Variants in CAMK2D observed in about 807,000 individuals in gnomAD.
CAMK2D encodes the protein calcium/calmodulin dependent protein kinase II delta.
CAMK2D carries 37 observed loss-of-function variants against 84.0 expected under a neutral mutation model. That is an observed-to-expected ratio of 0.44 (90% CI 0.34 to 0.58). The LOEUF is 0.58. Among genes scored for constraint, CAMK2D ranks in the 20% least tolerant of loss-of-function variants. The pLI is 0.02. For synonymous variants in CAMK2D, 202 were observed against 212.5 expected, an observed-to-expected ratio of 0.95 and a Z score of 0.43; for missense variants, 448 against 652.5, an observed-to-expected ratio of 0.69 and a Z score of 3.41.
chr4:113,539,427 C>G (rs976585860), intron 6 of CAMK2D, among the ~76,000 whole-genome samples: 3 of 152,216 alleles, frequency 2.0e-5, no homozygotes, highest in African/African-American at 7.2e-5. Context: ...TGTTGAGCAA[C>G]TGTCAGCGTA....
intron 5 of CAMK2D, 121 bp from the exon 6 acceptor site, chr4:113,547,837 C>A: frequency 1.9e-6 from 1 of 524,306 alleles, no homozygotes; most frequent in Non-Finnish European, 3.4e-6. Flanking sequence ...ATTGTACCAC[C>A]TTCAGTCATG....
chr4:113,489,541 T>C (rs1241727388), intron 16 of CAMK2D, among the ~76,000 whole-genome samples: 1 of 151,144 alleles, frequency 6.6e-6, no homozygotes, highest in Non-Finnish European at 1.5e-5. Context: ...CAGTCTATCA[T>C]TGTTGGACAT....
intron 3 of CAMK2D, among the ~76,000 whole-genome samples, chr4:113,649,247 T>C (rs940226885): frequency 6.6e-6 from 1 of 152,230 alleles, no homozygotes; most frequent in Non-Finnish European, 1.5e-5. Flanking sequence ...CACATAATTA[T>C]GCTTATTACT....
intron 2 of CAMK2D, among the ~76,000 whole-genome samples, chr4:113,665,583 A>C (rs1399385032): frequency 2.6e-5 from 4 of 152,256 alleles, no homozygotes; most frequent in Admixed American, 6.5e-5. Context: ...AAGGCAAGAC[A>C]GCCATAATAC....
intron 2 of CAMK2D, among the ~76,000 whole-genome samples, chr4:113,712,507 T>A (rs7662404): frequency 0.34 from 51,666 of 151,916 alleles, 10,352 homozygotes; most frequent in Admixed American, 0.49. Flanking sequence ...AAAAGCTATA[T>A]ACCATTACTT....
At chr4:113,556,404 GAC>G (rs1380343860) in intron 4 of CAMK2D, among the ~76,000 whole-genome samples, 1 of 152,116 alleles carries the variant, frequency 6.6e-6, no homozygotes, top group Non-Finnish European at 1.5e-5. Flanking sequence ...GAAGAATACA[GAC>G]ATAAAGAATT....
At chr4:113,508,409 G>A (rs1711631484) in intron 13 of CAMK2D, 1 of 648,168 alleles carries the variant, frequency 1.5e-6, no homozygotes. Context: ...TTCTGGAAAT[G>A]CGTTCTATGT....
At chr4:113,455,943 T>C in intron 19 of CAMK2D, 122 bp from the exon 20 acceptor site, 1 of 560,416 alleles carries the variant, frequency 1.8e-6, no homozygotes, top group African/African-American at 1.9e-5. Flanking sequence ...TGTATGAATG[T>C]AACCCCTTCT....
intron 3 of CAMK2D, among the ~76,000 whole-genome samples, chr4:113,619,481 C>A (rs1196278304): frequency 1.3e-5 from 2 of 152,144 alleles, no homozygotes; most frequent in African/African-American, 4.8e-5. Flanking sequence ...AGGTCCCTCG[C>A]TCCACCCTCA....
At chr4:113,638,821 T>C (rs537173750) in intron 3 of CAMK2D, among the ~76,000 whole-genome samples, 5 of 152,262 alleles carry the variant, frequency 3.3e-5, no homozygotes, top group Non-Finnish European at 5.9e-5. Context: ...AGGGAGACAA[T>C]TGTGGTAAGG....
intron 3 of CAMK2D, among the ~76,000 whole-genome samples, chr4:113,641,944 A>G (rs1592355930): frequency 6.6e-6 from 1 of 152,164 alleles, no homozygotes; most frequent in East Asian, 1.9e-4. Flanking sequence ...CGGGAGGTGG[A>G]GGTTGCGGTG....
At chr4:113,467,355 A>C (rs1238023654) in intron 16 of CAMK2D, among the ~76,000 whole-genome samples, 1 of 152,220 alleles carries the variant, frequency 6.6e-6, no homozygotes, top group Non-Finnish European at 1.5e-5. Flanking sequence ...TTTCACTCTG[A>C]AACTTCAGGT....
intron 7 of CAMK2D, among the ~76,000 whole-genome samples, chr4:113,536,078 GA>G (rs1489007747): frequency 6.6e-6 from 1 of 152,156 alleles, no homozygotes; most frequent in Non-Finnish European, 1.5e-5. Flanking sequence ...CTAATTTACA[GA>G]CCTAATCTAG....
rs553396749 is a variant in CAMK2D at position 113,633,092 on chromosome 4, A to G, written c.221-23886T>C. On this transcript the variant is annotated intron_variant, in intron 3 of 20. Coordinates refer to ENST00000511664, the MANE Select transcript of CAMK2D (RefSeq NM_001321571.2). ...ATTCTACTGAAGAATATATTAGAAAATTTGCAAGTAAATCAATACGAGGAA... is the reference window on the plus strand; with the variant it reads ...ATTCTACTGAAGAATATATTAGAAAGTTTGCAAGTAAATCAATACGAGGAA... 3.3e-5 allele frequency among the ~76,000 whole-genome samples: 5 copies of G among 152,344 alleles called. No homozygotes were observed. In the East Asian group the frequency reaches 9.6e-4, roughly 29 times the overall value.
At chr4:113,552,260 C>T (rs1159852596) in intron 4 of CAMK2D, among the ~76,000 whole-genome samples, 164 bp from the exon 5 acceptor site, 2 of 152,150 alleles carry the variant, frequency 1.3e-5, no homozygotes, top group Non-Finnish European at 2.9e-5. Context: ...CTATACTACA[C>T]TAAACATTTT....
intron 2 of CAMK2D, among the ~76,000 whole-genome samples, chr4:113,676,601 T>C (rs1015439404): frequency 2.6e-5 from 4 of 152,222 alleles, no homozygotes; most frequent in South Asian, 2.1e-4. Context: ...ATAATGACTA[T>C]TGTGAATTAA....
chr4:113,703,913 T>C (rs2154350056), intron 2 of CAMK2D, among the ~76,000 whole-genome samples: 1 of 145,606 alleles, frequency 6.9e-6, no homozygotes, highest in Non-Finnish European at 1.5e-5. Flanking sequence ...AGCTTTCTAT[T>C]TCTTATGACC....
In CAMK2D at chr4:113,455,816, G is replaced by C; in HGVS notation, c.1541C>G (p.Pro514Arg). The C allele has an allele frequency of 1.2e-6, 2 of 1,606,392 alleles. No individual in the cohort carries two copies. Among genetic ancestry groups the C allele is most frequent in the African/African-American group, 1.3e-5 (1 of 74,794 alleles). The change falls in exon 20 of 21, where the codon CCC (proline) becomes CGC (arginine). Residue 514 changes from proline (P) to arginine (R), a missense_variant. By Grantham distance (103) the Pro-to-Arg change is moderately radical (BLOSUM62 -2). Transcript: ENST00000511664. ...SGSPTVPIKP[P>R]CIPNGKENFS... ...GTTTTCTTTCCCATTTGGAATACAGGGTGGCCTATTAAGAGAAGCCCCATT... is the reference window on the plus strand; with the variant it reads ...GTTTTCTTTCCCATTTGGAATACAGCGTGGCCTATTAAGAGAAGCCCCATT...
chr4:113,696,838 A>G lies in CAMK2D; in HGVS notation c.161-35066T>C, dbSNP rs533575878. On this transcript the variant is annotated intron_variant, in intron 2 of 20. Coordinates refer to ENST00000511664, the MANE Select transcript of CAMK2D (RefSeq NM_001321571.2). Reference sequence around the variant, plus strand: ...AAACCTTCACAAAGCTAGGAAGTAGAAGAGTCAGAATTCTAACTCAGGTCA... The same window carrying G: ...AAACCTTCACAAAGCTAGGAAGTAGGAGAGTCAGAATTCTAACTCAGGTCA... Among the ~76,000 whole-genome samples, 28 of 152,270 alleles carry G rather than the reference A, an allele frequency of 1.8e-4. No homozygotes were observed. The East Asian group carries it at 5.2e-3, about 28-fold the overall frequency.
Sources: allele counts gnomAD v4.1 joint callset (sites outside exome capture counted in the v4.1 genomes callset), GRCh38; gene constraint gnomAD v4.1.1; transcripts MANE v1.5; gene names NCBI Gene and HGNC (gene_info 2026-07-23, HGNC 2026-07-21).